SLC35G4: variants seen among roughly 807,000 people sequenced by gnomAD.
The protein encoded by SLC35G4 is acyl-malonyl-condensing enzyme 1-like protein 1.
In SLC35G4, 12 loss-of-function variants were observed where a neutral mutation model predicts 15.8. That is an observed-to-expected ratio of 0.76 (90% CI 0.49 to 1.23). SLC35G4 has a LOEUF of 1.23. SLC35G4 is among the 50% of genes most tolerant of loss of function. SLC35G4 has a pLI of 0.00. For missense variants in SLC35G4, 390 were observed against 422.1 expected, an observed-to-expected ratio of 0.92 and a Z score of 0.67; for synonymous variants, 177 against 186.5, an observed-to-expected ratio of 0.95 and a Z score of 0.41.
rs1283200329 is a variant in SLC35G4 at position 11,610,536 on chromosome 18, G to A, written c.941G>A (p.Gly314Glu). 2 of 1,557,154 alleles carry A rather than the reference G, an allele frequency of 1.3e-6. No individual in the cohort carries two copies. The highest frequency in any genetic ancestry group is 1.1e-5 in the South Asian group (1 of 88,018). ...GCACCTTCTGACATCATGGGGGCAG[G>A]GGTTGTGCTGGGCAGCATTGCCATC... ...TVAPSDIMGAGVVLGSIAIIT... is the reference protein window; with the variant it reads ...TVAPSDIMGAEVVLGSIAIIT... Residue 314 changes from glycine (G) to glutamate (E), a missense_variant, in exon 1 of 1, where the codon GGG becomes GAG. Around this residue, in one of 2 missense-constraint regions of SLC35G4, gnomAD observed 59 missense variants for 181.0 expected, o/e 0.33. Transcript: ENST00000588001.
rs1314616824 is a variant in SLC35G4, at chr18:11,609,967, G to T, written c.372G>T (p.Val124=). The T allele has an allele frequency of 5.0e-6, 8 of 1,613,894 alleles. No individual in the cohort carries two copies. Among genetic ancestry groups the T allele is most frequent in the Middle Eastern group, 1.6e-4 (1 of 6,078 alleles). ...NIGCAYSAVQ[V]VPTGNAATVR... ...GATGTGCCTATAGTGCGGTTCAGGT[G>T]GTGCCCACTGGCAATGCTGCCACTG... The change falls in exon 1 of 1, where the codon GTG becomes GTT. Residue 124 remains valine, a synonymous_variant. Transcript: ENST00000588001.
Position 11,610,032 on chromosome 18 carries a change from C to A in SLC35G4, c.437C>A (p.Thr146Asn), listed in dbSNP as rs1215880337. ...TCCACCGTCTGCTCCGCCATCCTCA[C>A]CCTCTGCCTTGAGAGCCAGGTTCTC... is the stretch of plus-strand genomic sequence containing the variant. ...HSSTVCSAILTLCLESQVLSG... is the reference protein window; with the variant it reads ...HSSTVCSAILNLCLESQVLSG... Residue 146 changes from threonine (T) to asparagine (N), a missense_variant, in exon 1 of 1, where the codon ACC becomes AAC. Thr to Asn is a moderately conservative substitution (Grantham distance 65, BLOSUM62 0). Coordinates refer to ENST00000588001, the MANE Select transcript of SLC35G4 (RefSeq NM_001282300.2). 14 of 1,613,994 alleles carry A rather than the reference C, an allele frequency of 8.7e-6. No individual in the cohort carries two copies. The highest frequency in any genetic ancestry group is 1.2e-5 in the Non-Finnish European group (14 of 1,179,858).
In SLC35G4 at chr18:11,609,648, C is replaced by T. The variant is rs1261015126; in HGVS notation, c.53C>T (p.Pro18Leu). ...CTGCCTGACTCCACACACCCATCGCCGCCCTCCACTCCACCCAGCCTCCAC... is the reference window on the plus strand; with the variant it reads ...CTGCCTGACTCCACACACCCATCGCTGCCCTCCACTCCACCCAGCCTCCAC... Reference protein sequence around the residue: ...FNLPDSTHPSPPSTPPSLHWH... With the variant: ...FNLPDSTHPSLPSTPPSLHWH... The change falls in exon 1 of 1, where the codon CCG becomes CTG. Residue 18 changes from proline to leucine, a missense_variant. Pro to Leu is a moderately conservative substitution (Grantham distance 98). This residue lies in a region of SLC35G4 where 331 missense variants were observed against 241.1 expected (regional missense o/e 1.37). Transcript: ENST00000588001. The T allele has an allele frequency of 4.5e-5, 73 of 1,612,964 alleles. No individual in the cohort carries two copies. Among genetic ancestry groups the T allele is most frequent in the Middle Eastern group, 1.7e-4 (1 of 6,036 alleles).
chr18:11,609,869 G>A lies in SLC35G4; in HGVS notation c.274G>A (p.Asp92Asn), dbSNP rs571336703. Residue 92 changes from aspartate (D) to asparagine (N), a missense_variant, in exon 1 of 1, where the codon GAC becomes AAC. By Grantham distance (23) the Asp-to-Asn change is conservative (BLOSUM62 1). Coordinates refer to ENST00000588001, the MANE Select transcript of SLC35G4 (RefSeq NM_001282300.2). ...PIALLLKLRGDPLLGPPDIRG... is the reference protein window; with the variant it reads ...PIALLLKLRGNPLLGPPDIRG... ...TGCCCTGCTACTTAAACTGCGTGGC[G>A]ACCCCCTTCTGGGACCTCCTGACAT... is the stretch of plus-strand genomic sequence containing the variant. The A allele has an allele frequency of 2.6e-4, 415 of 1,613,222 alleles. 2 individuals are homozygous for A. The African/African-American group carries it at 4.5e-3, about 17-fold the overall frequency.
Position 11,610,129 on chromosome 18 carries a change from G to C in SLC35G4, c.534G>C (p.Trp178Cys), listed in dbSNP as rs780149733. The C allele has an allele frequency of 6.2e-7, 1 of 1,612,788 alleles. No homozygotes were observed. The highest frequency in any genetic ancestry group is 1.1e-5 in the South Asian group (1 of 91,008). ...TAATCATTGTGGGACCTGGACTCTG[G>C]ACACTACAGGAGGGGACCACGGGTG... ...GLIIIVGPGL[W>C]TLQEGTTGVY... is the part of the protein sequence containing the mutation. The change falls in exon 1 of 1, where the codon TGG (tryptophan) becomes TGC (cysteine). Residue 178 changes from tryptophan (W) to cysteine (C), a missense_variant. Physicochemically the swap from Trp to Cys is radical, Grantham distance 215 (BLOSUM62 -2). Transcript: ENST00000588001.
chr18:11,610,057 C>T lies in SLC35G4; in HGVS notation c.462C>T (p.Leu154=). 1 of 1,613,994 alleles carries T rather than the reference C, an allele frequency of 6.2e-7. No homozygotes were observed. The highest frequency in any genetic ancestry group is 8.5e-7 in the Non-Finnish European group (1 of 1,179,874). The change falls in exon 1 of 1, where the codon CTC becomes CTT. Residue 154 remains leucine, a synonymous_variant. Coordinates refer to ENST00000588001, the MANE Select transcript of SLC35G4 (RefSeq NM_001282300.2). ...ILTLCLESQV[L]SGYDWCGLLG... ...CCCTCTGCCTTGAGAGCCAGGTTCT[C>T]AGTGGCTACGACTGGTGTGGACTGT...
Position 11,609,986 on chromosome 18 carries a change from G to A in SLC35G4, c.391G>A (p.Ala131Thr), listed in dbSNP as rs760933122. The change falls in exon 1 of 1, where the codon GCC becomes ACC. Residue 131 changes from alanine (A) to threonine (T), a missense_variant. Coordinates refer to ENST00000588001, the MANE Select transcript of SLC35G4 (RefSeq NM_001282300.2). ...TCAGGTGGTGCCCACTGGCAATGCT[G>A]CCACTGTTCGCAAACATTCTTCCAC... ...AVQVVPTGNA[A>T]TVRKHSSTVC... is the part of the protein sequence containing the mutation. The A allele has an allele frequency of 1.2e-6, 2 of 1,613,978 alleles. No homozygotes were observed. Among genetic ancestry groups the A allele is most frequent in the South Asian group, 1.1e-5 (1 of 91,080 alleles).
Position 11,609,754 on chromosome 18 carries a change from C to T in SLC35G4, c.159C>T (p.Phe53=), listed in dbSNP as rs574023376. 5.2e-5 allele frequency: 84 copies of T among 1,613,794 alleles called. No homozygotes were observed. The East Asian group carries it at 1.3e-3, about 24-fold the overall frequency. The change falls in exon 1 of 1, where the codon TTC becomes TTT. Residue 53 remains phenylalanine, a synonymous_variant. Transcript: ENST00000588001. ...ALLGGGLPAG[F]VGPLSRMAYQ... ...TGGGTGGGGGCCTGCCTGCTGGCTT[C>T]GTGGGCCCCCTTTCTCGTATGGCTT...
In SLC35G4 at chr18:11,609,629, G is replaced by T. The variant is rs2029962477; in HGVS notation, c.34G>T (p.Asp12Tyr). 2.5e-6 allele frequency: 4 copies of T among 1,609,236 alleles called. No homozygotes were observed. The highest frequency in any genetic ancestry group is 3.3e-5 in the Admixed American group (2 of 59,708). ...AGSHPYFNLP[D>Y]STHPSPPSTP... ...CAGTCACCCCTACTTCAACCTGCCT[G>T]ACTCCACACACCCATCGCCGCCCTC... The change falls in exon 1 of 1, where the codon GAC (aspartate) becomes TAC (tyrosine). Residue 12 changes from aspartate to tyrosine, a missense_variant. Asp to Tyr is a radical substitution (Grantham distance 160). Around this residue, in one of 2 missense-constraint regions of SLC35G4, gnomAD observed 331 missense variants for 241.1 expected, o/e 1.37. Transcript: ENST00000588001.
In SLC35G4 at chr18:11,609,687, G is replaced by C; in HGVS notation, c.92G>C (p.Cys31Ser). The change falls in exon 1 of 1, where the codon TGC becomes TCC. Residue 31 changes from cysteine (C) to serine (S), a missense_variant. Cys to Ser is a moderately radical substitution (Grantham distance 112, BLOSUM62 -1). Transcript: ENST00000588001. Reference protein sequence around the residue: ...TPPSLHWHQRCQPSDATNGLL... With the variant: ...TPPSLHWHQRSQPSDATNGLL... ...CCCAGCCTCCACTGGCACCAGCGCTGCCAGCCCTCTGATGCCACCAATGGC... is the reference window on the plus strand; with the variant it reads ...CCCAGCCTCCACTGGCACCAGCGCTCCCAGCCCTCTGATGCCACCAATGGC... The C allele has an allele frequency of 3.1e-6, 5 of 1,614,028 alleles. No individual in the cohort carries two copies. The highest frequency in any genetic ancestry group is 4.2e-6 in the Non-Finnish European group (5 of 1,180,012).
rs2029962873 is a variant in SLC35G4 at position 11,609,645 on chromosome 18, C to T, written c.50C>T (p.Ser17Leu). 6.2e-6 allele frequency: 10 copies of T among 1,612,766 alleles called. No homozygotes were observed. The highest frequency in any genetic ancestry group is 3.3e-5 in the South Asian group (3 of 90,874). Residue 17 changes from serine (S) to leucine (L), a missense_variant, in exon 1 of 1, where the codon TCG becomes TTG. By Grantham distance (145) the Ser-to-Leu change is moderately radical (BLOSUM62 -2). This residue lies in a region of SLC35G4 where 331 missense variants were observed against 241.1 expected (regional missense o/e 1.37). Coordinates refer to ENST00000588001, the MANE Select transcript of SLC35G4 (RefSeq NM_001282300.2). ...AACCTGCCTGACTCCACACACCCATCGCCGCCCTCCACTCCACCCAGCCTC... is the reference window on the plus strand; with the variant it reads ...AACCTGCCTGACTCCACACACCCATTGCCGCCCTCCACTCCACCCAGCCTC... ...YFNLPDSTHP[S>L]PPSTPPSLHW...
rs765847293 is a variant in SLC35G4, at chr18:11,610,096, A to G, written c.501A>G (p.Leu167=). ...YDWCGLLGSI[L]GLIIIVGPGL... is the part of the protein sequence containing the mutation. ...GGTGTGGACTGTTGGGCAGCATCCT[A>G]GGACTAATAATCATTGTGGGACCTG... Residue 167 remains leucine, a synonymous_variant, in exon 1 of 1, where the codon CTA becomes CTG. Transcript: ENST00000588001. 12 of 1,613,818 alleles carry G rather than the reference A, an allele frequency of 7.4e-6. No homozygotes were observed. Among genetic ancestry groups the G allele is most frequent in the South Asian group, 1.1e-5 (1 of 91,072 alleles).
At position 11,610,000 on chromosome 18, in the gene SLC35G4, A is replaced by G; in HGVS notation, c.405A>G (p.Lys135=). Residue 135 remains lysine (K), a synonymous_variant, in exon 1 of 1, where the codon AAA becomes AAG. Coordinates refer to ENST00000588001, the MANE Select transcript of SLC35G4 (RefSeq NM_001282300.2). The part of the protein sequence containing the change: ...VPTGNAATVR[K]HSSTVCSAIL... ...CTGGCAATGCTGCCACTGTTCGCAA[A>G]CATTCTTCCACCGTCTGCTCCGCCA... is the stretch of plus-strand genomic sequence containing the variant. 1 of 1,613,812 alleles carries G rather than the reference A, an allele frequency of 6.2e-7. No individual in the cohort carries two copies. Among genetic ancestry groups the G allele is most frequent in the Non-Finnish European group, 8.5e-7 (1 of 1,179,796 alleles).
rs376368875 is a variant in SLC35G4 at position 11,610,469 on chromosome 18, A to C, written c.874A>C (p.Met292Leu). The change falls in exon 1 of 1, where the codon ATG becomes CTG. Residue 292 changes from methionine (M) to leucine (L), a missense_variant. Physicochemically the swap from Met to Leu is conservative, Grantham distance 15 (BLOSUM62 2). Coordinates refer to ENST00000588001, the MANE Select transcript of SLC35G4 (RefSeq NM_001282300.2). Reference sequence around the variant, plus strand: ...TGCTGTCCTGCATTCCGAGGTGGTGATGGCCCTTATACTGCAGTATTTTAT... The same window carrying C: ...TGCTGTCCTGCATTCCGAGGTGGTGCTGGCCCTTATACTGCAGTATTTTAT... ...VCAVLHSEVV[M>L]ALILQYFMLH... 27 of 1,425,252 alleles carry C rather than the reference A, an allele frequency of 1.9e-5. No individual in the cohort carries two copies. In the African/African-American group the frequency reaches 3.9e-4, roughly 21 times the overall value. 88.3% of individuals were successfully genotyped at this position (1,425,252 alleles called of 1,614,324 possible).
chr18:11,609,837 T>G lies in SLC35G4; in HGVS notation c.242T>G (p.Leu81Arg). The stretch of plus-strand genomic sequence containing the variant: ...GTCATCTGTCGATGCCTCTTCCACC[T>G]CCCTATTGCCCTGCTACTTAAACTG... ...ELVICRCLFH[L>R]PIALLLKLRG... Residue 81 changes from leucine (L) to arginine (R), a missense_variant, in exon 1 of 1, where the codon CTC becomes CGC. Around this residue, in one of 2 missense-constraint regions of SLC35G4, gnomAD observed 331 missense variants for 241.1 expected, o/e 1.37. Transcript: ENST00000588001. 2.5e-6 allele frequency: 4 copies of G among 1,613,582 alleles called. No individual in the cohort carries two copies. Among genetic ancestry groups the G allele is most frequent in the Non-Finnish European group, 3.4e-6 (4 of 1,179,740 alleles).
chr18:11,609,993 T>A lies in SLC35G4; in HGVS notation c.398T>A (p.Val133Asp), dbSNP rs775421881. Residue 133 changes from valine to aspartate, a missense_variant, in exon 1 of 1, where the codon GTT becomes GAT. Physicochemically the swap from Val to Asp is radical, Grantham distance 152 (BLOSUM62 -3). Transcript: ENST00000588001. ...GTGCCCACTGGCAATGCTGCCACTG[T>A]TCGCAAACATTCTTCCACCGTCTGC... is the stretch of plus-strand genomic sequence containing the variant. ...QVVPTGNAAT[V>D]RKHSSTVCSA... 52 of 1,613,846 alleles carry A rather than the reference T, an allele frequency of 3.2e-5. No individual in the cohort carries two copies. The East Asian group carries it at 1.1e-3, about 35-fold the overall frequency.
Position 11,610,527 on chromosome 18 carries a change from T to A in SLC35G4, c.932T>A (p.Met311Lys), listed in dbSNP as rs2029996557. The A allele has an allele frequency of 6.5e-7, 1 of 1,547,086 alleles. No homozygotes were observed. The highest frequency in any genetic ancestry group is 1.6e-5 in the African/African-American group (1 of 63,152). The change falls in exon 1 of 1, where the codon ATG (methionine) becomes AAG (lysine). Residue 311 changes from methionine (M) to lysine (K), a missense_variant. Transcript: ENST00000588001. ...GAGACTGTGGCACCTTCTGACATCA[T>A]GGGGGCAGGGGTTGTGCTGGGCAGC... is the stretch of plus-strand genomic sequence containing the variant. Reference protein sequence around the residue: ...LHETVAPSDIMGAGVVLGSIA... With the variant: ...LHETVAPSDIKGAGVVLGSIA...
chr18:11,610,024 C>T lies in SLC35G4; in HGVS notation c.429C>T (p.Ala143=), dbSNP rs747124652. 5.0e-5 allele frequency: 80 copies of T among 1,613,820 alleles called. No homozygotes were observed. The Middle Eastern group carries it at 1.2e-3, about 23-fold the overall frequency. ...AACATTCTTCCACCGTCTGCTCCGC[C>T]ATCCTCACCCTCTGCCTTGAGAGCC... ...VRKHSSTVCS[A]ILTLCLESQV... Residue 143 remains alanine, a synonymous_variant, in exon 1 of 1, where the codon GCC becomes GCT. Coordinates refer to ENST00000588001, the MANE Select transcript of SLC35G4 (RefSeq NM_001282300.2).
In SLC35G4 at chr18:11,610,338, G is replaced by C; in HGVS notation, c.743G>C (p.Ser248Thr). Residue 248 changes from serine (S) to threonine (T), a missense_variant, in exon 1 of 1, where the codon AGT (serine) becomes ACT (threonine). Ser to Thr is a moderately conservative substitution (Grantham distance 58, BLOSUM62 1). Transcript: ENST00000588001. ...GTGCTGCAGTCCCCCGTGTTGCCCA[G>C]TGACCTCCTGAGTTGGAGTTGTGTG... is the stretch of plus-strand genomic sequence containing the variant. Reference protein sequence around the residue: ...LFVLQSPVLPSDLLSWSCVGA... With the variant: ...LFVLQSPVLPTDLLSWSCVGA... 6.2e-7 allele frequency: 1 copy of C among 1,602,954 alleles called. No individual in the cohort carries two copies. The highest frequency in any genetic ancestry group is 8.5e-7 in the Non-Finnish European group (1 of 1,174,302).
Sources: gnomAD v4.1 joint callset for allele counts on GRCh38, gnomAD v4.1.1 for gene constraint, gnomAD v4.1.1 regional missense constraint, MANE v1.5 for transcripts, NCBI Gene and HGNC (gene_info 2026-07-23, HGNC 2026-07-21) for gene names.